Variants in ARFIP1 observed in about 807,000 individuals in gnomAD.
ARFIP1 encodes the protein ARF interacting protein 1.
Under a neutral mutation model 42.5 loss-of-function variants are expected in ARFIP1, and 24 were observed. The observed-to-expected ratio is 0.57, with a 90% CI of 0.41 to 0.80. ARFIP1 has a LOEUF of 0.80. Among genes scored for constraint, ARFIP1 ranks in the 30% least tolerant of loss-of-function variants. The probability of loss-of-function intolerance (pLI) is 0.00; values close to 1 mark genes in which losing one functional copy is unlikely to be tolerated. For synonymous variants in ARFIP1, 141 were observed against 153.7 expected (o/e 0.92, Z 0.61); for missense variants, 354 against 434.0 (o/e 0.82, Z 1.64).
intron 2 of ARFIP1, among the ~76,000 whole-genome samples, chr4:152,859,017 T>G (rs1220349845): frequency 6.6e-6 from 1 of 152,204 alleles, no homozygotes; most frequent in East Asian, 1.9e-4. Flanking sequence ...AATATTTTTC[T>G]TTTCCTTTAT....
chr4:152,862,826 A>G (rs1222657626), intron 2 of ARFIP1, among the ~76,000 whole-genome samples: 1 of 152,230 alleles, frequency 6.6e-6, no homozygotes, highest in Non-Finnish European at 1.5e-5. Flanking sequence ...TGAAGCCAGC[A>G]GACTGTAGCC....
At chr4:152,891,112 G>A (rs1004585027) in intron 8 of ARFIP1, among the ~76,000 whole-genome samples, 1 of 152,100 alleles carries the variant, frequency 6.6e-6, no homozygotes, top group African/African-American at 2.4e-5. Flanking sequence ...TTATCATGAG[G>A]GCACTAATCC....
At chr4:152,897,850 C>T (rs1324166673) in intron 8 of ARFIP1, among the ~76,000 whole-genome samples, 2 of 152,046 alleles carry the variant, frequency 1.3e-5, no homozygotes, top group Admixed American at 1.3e-4. Flanking sequence ...ATGGCTGTGA[C>T]TTTGCTATAC....
intron 2 of ARFIP1, among the ~76,000 whole-genome samples, chr4:152,830,781 A>C (rs966289726): frequency 6.6e-6 from 1 of 152,192 alleles, no homozygotes; most frequent in African/African-American, 2.4e-5. Context: ...TATGACAAGC[A>C]GATATGTCCA....
At chr4:152,800,836 G>T (rs141912813) in intron 1 of ARFIP1, among the ~76,000 whole-genome samples, 43 of 152,226 alleles carry the variant, frequency 2.8e-4, no homozygotes, top group African/African-American at 1.0e-3. Context: ...TTCCTTTAGC[G>T]TGGTACAAGT....
chr4:152,867,917 G>A (rs1734543825), intron 3 of ARFIP1, among the ~76,000 whole-genome samples: 1 of 152,160 alleles, frequency 6.6e-6, no homozygotes, highest in African/African-American at 2.4e-5. Context: ...TTGGAAAGTT[G>A]TGATTGTTTT....
chr4:152,866,312 C>T (rs1207457984), intron 3 of ARFIP1, among the ~76,000 whole-genome samples: 1 of 152,240 alleles, frequency 6.6e-6, no homozygotes, highest in East Asian at 1.9e-4. Context: ...CAATCTTTTC[C>T]CCACCTTTCC....
At chr4:152,873,224 G>A (rs1386150367) in intron 5 of ARFIP1, among the ~76,000 whole-genome samples, 1 of 152,196 alleles carries the variant, frequency 6.6e-6, no homozygotes, top group Non-Finnish European at 1.5e-5. Context: ...GAAAGCCCTA[G>A]CAGCTCAGGT....
intron 1 of ARFIP1, among the ~76,000 whole-genome samples, chr4:152,818,214 A>G (rs1396562590): frequency 6.6e-6 from 1 of 152,238 alleles, no homozygotes; most frequent in African/African-American, 2.4e-5. Context: ...CGGAAACTAC[A>G]GACCCTCTGA....
intron 8 of ARFIP1, among the ~76,000 whole-genome samples, chr4:152,889,625 C>T (rs1197714831): frequency 1.8e-4 from 21 of 117,060 alleles, no homozygotes; most frequent in African/African-American, 6.6e-4. Context: ...CATATATATA[C>T]TATATAGTAT....
chr4:152,876,643 A>C (rs988619720), intron 5 of ARFIP1, among the ~76,000 whole-genome samples: 3 of 152,236 alleles, frequency 2.0e-5, no homozygotes, highest in Non-Finnish European at 4.4e-5. Context: ...CAAGGATCCT[A>C]ATGTTAATTG....
intron 1 of ARFIP1, among the ~76,000 whole-genome samples, chr4:152,825,339 T>G (rs552692176): frequency 1.3e-4 from 20 of 152,272 alleles, no homozygotes; most frequent in Admixed American, 3.3e-4. Flanking sequence ...AGTGTGGTAC[T>G]GGCATAAAAG....
rs1735802598 is a variant in ARFIP1 at position 152,881,039 on chromosome 4, A to T, written c.488A>T (p.Asp163Val). Residue 163 changes from aspartate to valine, a missense_variant, in exon 6 of 9, where the codon GAT becomes GTT. Physicochemically the swap from Asp to Val is radical, Grantham distance 152 (BLOSUM62 -3). Transcript: ENST00000353617. Reference protein sequence around the residue: ...TVDLELEAQIDILRDNKKKYE... With the variant: ...TVDLELEAQIVILRDNKKKYE... ...GACCTTGAACTTGAAGCTCAGATTG[A>T]TATATTAAGGGATAACAAGAAAAAA... The T allele has an allele frequency of 1.9e-6, 3 of 1,613,882 alleles. No homozygotes were observed. The highest frequency in any genetic ancestry group is 2.7e-5 in the African/African-American group (2 of 75,032).
intron 1 of ARFIP1, among the ~76,000 whole-genome samples, chr4:152,780,789 GC>G (rs1345719869): frequency 6.6e-6 from 1 of 152,184 alleles, no homozygotes; most frequent in African/African-American, 2.4e-5. Context: ...GTTCCTGTTT[GC>G]CAAGTTACTA....
chr4:152,847,645 T>G (rs553589953), intron 2 of ARFIP1, among the ~76,000 whole-genome samples: 2 of 152,172 alleles, frequency 1.3e-5, no homozygotes, highest in Non-Finnish European at 2.9e-5. Context: ...CAATTTAATC[T>G]AAATAATTCA....
At chr4:152,906,546 T>A (rs1455199579) in intron 8 of ARFIP1, among the ~76,000 whole-genome samples, 1 of 152,200 alleles carries the variant, frequency 6.6e-6, no homozygotes, top group Non-Finnish European at 1.5e-5. Flanking sequence ...TCTCACGATC[T>A]CCTCTTTTAC....
intron 1 of ARFIP1, among the ~76,000 whole-genome samples, chr4:152,814,097 C>CTTTTTTTTTT (rs67593845): frequency 8.1e-5 from 9 of 110,882 alleles, no homozygotes; most frequent in Non-Finnish European, 7.7e-5. Flanking sequence ...TCTTCTTCTT[C>CTTTTTTTTTT]TTTTTTTTTT....
At chr4:152,866,859 G>T (rs1302908819) in intron 3 of ARFIP1, among the ~76,000 whole-genome samples, 3 of 151,916 alleles carry the variant, frequency 2.0e-5, no homozygotes, top group Non-Finnish European at 4.4e-5. Context: ...ATCCCAGACG[G>T]GGCGGCGGGG....
chr4:152,881,803 A>G (rs764557330), intron 6 of ARFIP1, among the ~76,000 whole-genome samples: 10 of 152,132 alleles, frequency 6.6e-5, no homozygotes, highest in Non-Finnish European at 1.3e-4. Flanking sequence ...CTTTCCTGCT[A>G]TTTTCTGAAT....
Sources: allele counts gnomAD v4.1 joint callset (sites outside exome capture counted in the v4.1 genomes callset), GRCh38; gene constraint gnomAD v4.1.1; transcripts MANE v1.5; gene names NCBI Gene and HGNC (gene_info 2026-07-23, HGNC 2026-07-21).